The following IL7 variants were observed in gnomAD, a reference collection of about 807,000 sequenced individuals.
IL7 encodes interleukin 7.
Under a neutral mutation model 21.6 loss-of-function variants are expected in IL7, and 3 were observed. That is an observed-to-expected ratio of 0.14 (90% CI 0.06 to 0.36). The LOEUF is 0.36. Ranked by LOEUF, IL7 falls within the 10% of genes least tolerant of loss-of-function variation. IL7 has a pLI of 1.00. For synonymous variants in IL7, 62 were observed against 68.1 expected, an observed-to-expected ratio of 0.91 and a Z score of 0.44; for missense variants, 175 against 200.2, an observed-to-expected ratio of 0.87 and a Z score of 0.76.
At chr8:78,731,552 A>G (rs1439795839), downstream of IL7, among the ~76,000 whole-genome samples, 1 of 151,472 alleles carries the variant, frequency 6.6e-6, no homozygotes, top group African/African-American at 2.4e-5. Flanking sequence ...TTCTTTTTGT[A>G]GCATTGACAA....
At chr8:78,722,650 G>C (rs1811262050) in intron 3 of IL7, among the ~76,000 whole-genome samples, 2 of 151,794 alleles carry the variant, frequency 1.3e-5, no homozygotes, top group Admixed American at 1.3e-4. Flanking sequence ...TTAGAATATA[G>C]TTATGTACAT....
intron 2 of IL7, among the ~76,000 whole-genome samples, chr8:78,787,786 T>C (rs1048995609): frequency 2.6e-5 from 4 of 152,170 alleles, no homozygotes; most frequent in African/African-American, 4.8e-5. Flanking sequence ...TTTCAGGATG[T>C]TGTCCACTTT....
chr8:78,735,611 C>G (rs1444157251), intron 5 of IL7, among the ~76,000 whole-genome samples: 1 of 152,102 alleles, frequency 6.6e-6, no homozygotes, highest in East Asian at 1.9e-4. Flanking sequence ...CCCAACCTTT[C>G]TTTTCTAAAC....
At chr8:78,682,337 C>T (rs781620348) in intron 4 of IL7, among the ~76,000 whole-genome samples, 3 of 152,004 alleles carry the variant, frequency 2.0e-5, no homozygotes, top group Non-Finnish European at 2.9e-5. Flanking sequence ...TAAGAAATAT[C>T]GGAGACTGGG....
chr8:78,730,646 A>T (rs1811410265), downstream of IL7, among the ~76,000 whole-genome samples: 3 of 152,012 alleles, frequency 2.0e-5, no homozygotes. Flanking sequence ...TTAAATGGAT[A>T]TTAATAACAG....
chr8:78,783,798 G>A (rs1203281784), intron 2 of IL7, among the ~76,000 whole-genome samples: 2 of 152,100 alleles, frequency 1.3e-5, no homozygotes, highest in African/African-American at 4.8e-5. Context: ...GCTGAAGTGG[G>A]GTGGTAACAG....
chr8:78,693,414 T>G (rs888578723), intron 3 of IL7, among the ~76,000 whole-genome samples: 52 of 152,292 alleles, frequency 3.4e-4, no homozygotes, highest in African/African-American at 7.9e-4. Context: ...ATTTTTTAAT[T>G]ATCGCCATTC....
chr8:78,698,061 G>C (rs1810488881), intron 3 of IL7, among the ~76,000 whole-genome samples: 1 of 152,082 alleles, frequency 6.6e-6, no homozygotes, highest in Non-Finnish European at 1.5e-5. Flanking sequence ...AGTCAGCCCA[G>C]TACTTCCTTG....
intron 2 of IL7, among the ~76,000 whole-genome samples, chr8:78,755,890 G>A (rs1277665939): frequency 6.6e-6 from 1 of 152,072 alleles, no homozygotes; most frequent in East Asian, 1.9e-4. Context: ...GTAAAAGTGG[G>A]CATCCTTGTC....
At chr8:78,688,492 C>A (rs1233320974) in intron 3 of IL7, among the ~76,000 whole-genome samples, 1 of 152,086 alleles carries the variant, frequency 6.6e-6, no homozygotes, top group Non-Finnish European at 1.5e-5. Context: ...AAGTTGTAAA[C>A]CTGTTAAATT....
chr8:78,798,013 A>G, intron 2 of IL7, 59 bp downstream of exon 2: 1 of 1,428,116 alleles, frequency 7.0e-7, no homozygotes, highest in Non-Finnish European at 9.6e-7. Context: ...ACTGCATACC[A>G]AAAAGGTTCA....
chr8:78,768,105 CT>C (rs1812820280), intron 2 of IL7, among the ~76,000 whole-genome samples: 1 of 152,118 alleles, frequency 6.6e-6, no homozygotes, highest in African/African-American at 2.4e-5. Flanking sequence ...TGAACTCATC[CT>C]TTTGTATGGC....
At chr8:78,715,359 A>G (rs371291912), downstream of IL7, 422 of 1,564,018 alleles carry the variant, frequency 2.7e-4, 2 homozygotes, top group Middle Eastern at 1.7e-3. Flanking sequence ...CCAATAACTA[A>G]AATAAAATTG....
chr8:78,731,389 A>G (rs186317646), downstream of IL7, among the ~76,000 whole-genome samples: 3 of 152,086 alleles, frequency 2.0e-5, no homozygotes, highest in East Asian at 5.8e-4. Context: ...TATATAATCA[A>G]TTAAGTTTTA....
chr8:78,677,625 T>C (rs890791555), intron 4 of IL7, among the ~76,000 whole-genome samples: 2 of 151,972 alleles, frequency 1.3e-5, no homozygotes, highest in East Asian at 1.9e-4. Context: ...TTCTAGTATC[T>C]ATGTTCAGGC....
intron 2 of IL7, among the ~76,000 whole-genome samples, chr8:78,782,318 T>C (rs769303578): frequency 2.0e-5 from 3 of 152,204 alleles, no homozygotes; most frequent in Middle Eastern, 3.2e-3. Flanking sequence ...CAGTGTTTTT[T>C]CATTGACTGT....
intron 4 of IL7, among the ~76,000 whole-genome samples, chr8:78,683,006 C>G (rs867894677): frequency 2.0e-5 from 3 of 152,236 alleles, no homozygotes; most frequent in Non-Finnish European, 4.4e-5. Flanking sequence ...TGTCTCACAT[C>G]CAGGTCATGC....
chr8:78,681,182 G>A (rs1055355535), intron 4 of IL7, among the ~76,000 whole-genome samples: 3 of 152,048 alleles, frequency 2.0e-5, no homozygotes, highest in Admixed American at 1.3e-4. Context: ...CAACAGAGAG[G>A]AGAGCTGCTA....
rs201769469 is a variant in IL7 at position 78,689,328 on chromosome 8, A to G, written n.215-3381T>C. ...CAGCACGTATTAGTAATAAAGGGAA[A>G]TTTTCTACAGATACCAAAGGAAAAC... On this transcript the variant is annotated intron_variant and non_coding_transcript_variant, in intron 3 of 4. Coordinates refer to the IL7 transcript ENST00000523959. 856 of 1,603,634 alleles carry G rather than the reference A, an allele frequency of 5.3e-4. 1 individual carries two copies. Among genetic ancestry groups the G allele is most frequent in the Non-Finnish European group, 6.5e-4 (759 of 1,175,194 alleles).
Sources: allele counts gnomAD v4.1 joint callset (sites outside exome capture counted in the v4.1 genomes callset), GRCh38; gene constraint gnomAD v4.1.1; transcripts MANE v1.5; gene names NCBI Gene and HGNC (gene_info 2026-07-23, HGNC 2026-07-21).